Variants in THSD7B observed in about 807,000 individuals in gnomAD.
The protein encoded by THSD7B is thrombospondin type 1 domain containing 7B, also known as thrombospondin type-1 domain-containing protein 7B.
A neutral mutation model predicts 213.6 loss-of-function variants in THSD7B; 138 were observed. The observed-to-expected ratio is 0.65, with a 90% confidence interval of 0.56 to 0.74. The LOEUF is 0.74. Ranked by LOEUF, THSD7B falls within the 30% of genes least tolerant of loss-of-function variation. The pLI is 0.00. For synonymous variants in THSD7B, 742 were observed against 687.0 expected, an observed-to-expected ratio of 1.08 and a Z score of -1.25; for missense variants, 1,931 against 1,991.5, an observed-to-expected ratio of 0.97 and a Z score of 0.58.
intron 1 of THSD7B, among the ~76,000 whole-genome samples, chr2:136,768,833 G>A (rs1293002588): frequency 6.6e-6 from 1 of 152,176 alleles, no homozygotes; most frequent in Non-Finnish European, 1.5e-5. Flanking sequence ...AAAAGAAGCT[G>A]CTTCATTAAC....
intron 1 of THSD7B, among the ~76,000 whole-genome samples, chr2:136,855,629 ATTTAT>A (rs200065339): frequency 0.14 from 20,343 of 145,786 alleles, 2,028 homozygotes; most frequent in Non-Finnish European, 0.21. Context: ...TTATTTATTT[ATTTAT>A]TTATTTTTTG....
intron 15 of THSD7B, among the ~76,000 whole-genome samples, chr2:137,468,582 A>G (rs1271959245): frequency 7.9e-6 from 1 of 126,690 alleles, no homozygotes; most frequent in Admixed American, 1.0e-4. Context: ...AAAAGAAAAG[A>G]AAAAATAAAA....
At chr2:137,360,664 T>G (rs57163005) in intron 12 of THSD7B, among the ~76,000 whole-genome samples, 1 of 152,136 alleles carries the variant, frequency 6.6e-6, no homozygotes, top group Non-Finnish European at 1.5e-5. Flanking sequence ...GAGGGGCGTC[T>G]GCCATTGCTG....
intron 27 of THSD7B, among the ~76,000 whole-genome samples, chr2:137,670,904 G>A (rs1573778863): frequency 7.4e-6 from 1 of 135,642 alleles, no homozygotes. Context: ...GTGGGCGACA[G>A]AGTGAGACTC....
intron 3 of THSD7B, among the ~76,000 whole-genome samples, chr2:137,092,928 A>G (rs929800550): frequency 3.9e-5 from 6 of 152,164 alleles, no homozygotes; most frequent in Admixed American, 6.5e-5. Context: ...GTAAGCCACT[A>G]CACCTGCTCC....
chr2:137,143,498 A>G (rs987464939), intron 5 of THSD7B, among the ~76,000 whole-genome samples: 1 of 152,186 alleles, frequency 6.6e-6, no homozygotes, highest in African/African-American at 2.4e-5. Context: ...CTTATTTGAC[A>G]GTGATCTGTG....
chr2:136,903,684 A>C (rs1684099749), intron 2 of THSD7B, among the ~76,000 whole-genome samples: 1 of 152,154 alleles, frequency 6.6e-6, no homozygotes, highest in African/African-American at 2.4e-5. Context: ...GCACAGATGG[A>C]AGGATGCCAG....
chr2:137,402,815 C>CAAA (rs34623127), intron 12 of THSD7B, among the ~76,000 whole-genome samples: 7 of 83,178 alleles, frequency 8.4e-5, no homozygotes, highest in Non-Finnish European at 1.2e-4. Context: ...AACTCCATCT[C>CAAA]AAAAAAAAAA....
At chr2:137,334,697 A>G (rs952954760) in intron 12 of THSD7B, among the ~76,000 whole-genome samples, 3 of 152,194 alleles carry the variant, frequency 2.0e-5, no homozygotes, top group African/African-American at 7.2e-5. Context: ...TTCCCCATAC[A>G]GGAGTGGTTA....
At position 137,530,667 on chromosome 2, in the gene THSD7B, G is replaced by A. The variant is rs77304468; in HGVS notation, c.3139-32554G>A. 2.0e-3 allele frequency among the ~76,000 whole-genome samples: 305 copies of A among 152,072 alleles called. 1 individual carries two copies. Among genetic ancestry groups the A allele is most frequent in the African/African-American group, 7.0e-3 (292 of 41,528 alleles). ...TGCTAAAGGGGCAGTGTTATGGGGTGTTCTGGGGATAGCTGTCATAGGCTT... is the reference window on the plus strand; with the variant it reads ...TGCTAAAGGGGCAGTGTTATGGGGTATTCTGGGGATAGCTGTCATAGGCTT... On this transcript the variant is annotated intron_variant, in intron 15 of 27. Transcript: ENST00000409968.
chr2:137,315,338 G>T (rs539340789), intron 12 of THSD7B, among the ~76,000 whole-genome samples: 21 of 152,298 alleles, frequency 1.4e-4, no homozygotes, highest in Non-Finnish European at 2.2e-4. Context: ...AGCTTCCCAA[G>T]TGAGGCAATG....
intron 20 of THSD7B, among the ~76,000 whole-genome samples, chr2:137,638,166 T>G (rs545132967): frequency 2.0e-5 from 3 of 152,176 alleles, no homozygotes; most frequent in Admixed American, 6.5e-5. Flanking sequence ...TGAAAGAAAT[T>G]TTACCGCTGA....
chr2:137,332,771 T>A (rs1312457269), intron 12 of THSD7B, among the ~76,000 whole-genome samples: 1 of 152,134 alleles, frequency 6.6e-6, no homozygotes, highest in Non-Finnish European at 1.5e-5. Flanking sequence ...ATCTGATGCT[T>A]TTATAAGGGG....
At chr2:137,549,378 TG>T (rs964291620) in intron 15 of THSD7B, among the ~76,000 whole-genome samples, 6 of 145,546 alleles carry the variant, frequency 4.1e-5, no homozygotes, top group Non-Finnish European at 7.5e-5. Context: ...TGATTTCTGA[TG>T]GTCATATTCT....
chr2:136,817,732 C>T lies in THSD7B; in HGVS notation c.-36+52045C>T, dbSNP rs576237876. Reference sequence around the variant, plus strand: ...ACAAACAACCCCATCAAAAAGTGGGCAAAGGACATGAACAGACACTTCTCA... The same window carrying T: ...ACAAACAACCCCATCAAAAAGTGGGTAAAGGACATGAACAGACACTTCTCA... On this transcript the variant is annotated intron_variant, in intron 1 of 27. Transcript: ENST00000409968. 8.3e-3 allele frequency among the ~76,000 whole-genome samples: 1,261 copies of T among 151,648 alleles called. 22 individuals are homozygous for T. Among genetic ancestry groups the T allele is most frequent in the African/African-American group, 0.029 (1,217 of 41,320 alleles).
chr2:137,563,503 A>T (rs1681166433), intron 16 of THSD7B, 149 bp downstream of exon 16: 1 of 1,113,258 alleles, frequency 9.0e-7, no homozygotes, highest in African/African-American at 1.6e-5. Flanking sequence ...TCATTGAAAT[A>T]AGTGCATCCT....
chr2:137,536,597 A>G (rs1680511591), intron 15 of THSD7B, among the ~76,000 whole-genome samples: 1 of 151,914 alleles, frequency 6.6e-6, no homozygotes, highest in Non-Finnish European at 1.5e-5. Flanking sequence ...TATTTTAAGC[A>G]AGAAGAATAA....
At chr2:137,587,948 G>C (rs1049510630) in intron 17 of THSD7B, among the ~76,000 whole-genome samples, 1 of 152,234 alleles carries the variant, frequency 6.6e-6, no homozygotes, top group East Asian at 1.9e-4. Flanking sequence ...AGTCTACAAA[G>C]GCAGCAGGCC....
intron 3 of THSD7B, among the ~76,000 whole-genome samples, chr2:137,060,853 A>G (rs1687256682): frequency 6.6e-6 from 1 of 151,798 alleles, no homozygotes; most frequent in Admixed American, 6.6e-5. Flanking sequence ...TTTTTCATAT[A>G]AACTTTGGAA....
Sources: gnomAD v4.1 joint callset for allele counts (sites outside exome capture counted in the v4.1 genomes callset) on GRCh38, gnomAD v4.1.1 for gene constraint, MANE v1.5 for transcripts, NCBI Gene and HGNC (gene_info 2026-07-23, HGNC 2026-07-21) for gene names.